The following PDGFC variants were observed in gnomAD, a reference collection of about 807,000 sequenced individuals.
PDGFC encodes the protein platelet derived growth factor C, also known as platelet-derived growth factor C.
A neutral mutation model predicts 35.5 loss-of-function variants in PDGFC; 12 were observed. The ratio of observed to expected loss-of-function variants is 0.34; its 90% CI spans 0.22 to 0.55. The LOEUF (loss-of-function observed/expected upper bound fraction) is 0.55, where lower values mean the gene tolerates loss of function less well. Ranked by LOEUF, PDGFC falls within the 20% of genes least tolerant of loss-of-function variation. The probability of loss-of-function intolerance (pLI) is 0.91; values close to 1 mark genes in which losing one functional copy is unlikely to be tolerated. For synonymous variants in PDGFC, 159 were observed against 148.8 expected (o/e 1.07, Z -0.50); for missense variants, 322 against 412.4 (o/e 0.78, Z 1.90).
At chr4:156,958,438 C>G (rs1057507055) in intron 1 of PDGFC, among the ~76,000 whole-genome samples, 1 of 151,980 alleles carries the variant, frequency 6.6e-6, no homozygotes, top group Non-Finnish European at 1.5e-5. Flanking sequence ...TGCCAAACTT[C>G]CAGCAGTAAC....
chr4:156,849,532 C>T (rs1257711707), intron 2 of PDGFC, among the ~76,000 whole-genome samples: 1 of 151,934 alleles, frequency 6.6e-6, no homozygotes, highest in Admixed American at 6.6e-5. Flanking sequence ...ACCACCCAAC[C>T]TTGACAAGTG....
intron 1 of PDGFC, among the ~76,000 whole-genome samples, chr4:156,908,731 C>T (rs970363252): frequency 2.0e-5 from 3 of 152,118 alleles, no homozygotes; most frequent in Admixed American, 6.5e-5. Flanking sequence ...AGCCAGTTAT[C>T]TCTTAATATG....
intron 1 of PDGFC, among the ~76,000 whole-genome samples, chr4:156,933,923 A>T (rs1731615266): frequency 6.6e-6 from 1 of 152,162 alleles, no homozygotes; most frequent in South Asian, 2.1e-4. Flanking sequence ...GCCATGTGGA[A>T]CTGTGAGTCA....
chr4:156,832,680 G>A (rs148732625), intron 2 of PDGFC, among the ~76,000 whole-genome samples: 10 of 152,288 alleles, frequency 6.6e-5, no homozygotes, highest in Non-Finnish European at 1.0e-4. Flanking sequence ...CCTGAACAAC[G>A]GGCGTTTGAA....
intron 5 of PDGFC, 134 bp from the exon 6 acceptor site, chr4:156,763,340 G>T (rs1458549801): frequency 1.0e-5 from 4 of 390,218 alleles, no homozygotes; most frequent in Non-Finnish European, 1.8e-5. Context: ...CCTAGAGCAC[G>T]CATTATGAAA....
chr4:156,898,947 G>A (rs1730699468), intron 1 of PDGFC, among the ~76,000 whole-genome samples: 1 of 152,184 alleles, frequency 6.6e-6, no homozygotes, highest in Non-Finnish European at 1.5e-5. Context: ...ATGAGTCACT[G>A]AGCCCAGCCC....
At chr4:156,951,036 T>C in intron 1 of PDGFC, among the ~76,000 whole-genome samples, 1 of 151,904 alleles carries the variant, frequency 6.6e-6, no homozygotes, top group Non-Finnish European at 1.5e-5. Flanking sequence ...CACCTCACTG[T>C]ATTTTTATCT....
At chr4:156,781,021 T>C (rs1730966023) in intron 3 of PDGFC, among the ~76,000 whole-genome samples, 1 of 152,160 alleles carries the variant, frequency 6.6e-6, no homozygotes, top group Non-Finnish European at 1.5e-5. Flanking sequence ...GGACCTTTTC[T>C]AGTTTCTGTC....
chr4:156,922,750 G>A (rs1579101864), intron 1 of PDGFC, among the ~76,000 whole-genome samples: 1 of 152,200 alleles, frequency 6.6e-6, no homozygotes, highest in East Asian at 1.9e-4. Context: ...GGGGTCGGGG[G>A]GTGTTCCACA....
chr4:156,821,191 GTGTA>G (rs1251812765), intron 2 of PDGFC, among the ~76,000 whole-genome samples: 3,220 of 103,602 alleles, frequency 0.031, 114 homozygotes, highest in African/African-American at 0.12. Flanking sequence ...GTGTGTGTGT[GTGTA>G]TGTGTGTGTG....
intron 1 of PDGFC, among the ~76,000 whole-genome samples, chr4:156,905,901 T>C (rs148230374): frequency 0.016 from 2,485 of 152,156 alleles, 75 homozygotes; most frequent in African/African-American, 0.057. Flanking sequence ...ATACTGTAGA[T>C]ACATCACCTC....
intron 1 of PDGFC, among the ~76,000 whole-genome samples, chr4:156,955,675 AG>A (rs1210560449): frequency 5.9e-5 from 9 of 152,032 alleles, no homozygotes; most frequent in Non-Finnish European, 1.0e-4. Context: ...ATAAACAAAA[AG>A]ACACACCCTT....
At chr4:156,917,821 T>C (rs576999455) in intron 1 of PDGFC, among the ~76,000 whole-genome samples, 4 of 152,370 alleles carry the variant, frequency 2.6e-5, no homozygotes, top group African/African-American at 9.6e-5. Flanking sequence ...GACCACTTCG[T>C]ATAAACTATA....
chr4:156,915,229 T>C (rs1273481669), intron 1 of PDGFC, among the ~76,000 whole-genome samples: 1 of 152,112 alleles, frequency 6.6e-6, no homozygotes, highest in African/African-American at 2.4e-5. Flanking sequence ...TTCCTTAGAG[T>C]AACAACAAAA....
intron 1 of PDGFC, among the ~76,000 whole-genome samples, chr4:156,898,437 A>G (rs751238143): frequency 6.6e-6 from 1 of 152,212 alleles, no homozygotes; most frequent in Non-Finnish European, 1.5e-5. Context: ...AATGCCTATA[A>G]GTGAGAATAA....
intron 3 of PDGFC, among the ~76,000 whole-genome samples, chr4:156,775,484 C>T (rs1816164): frequency 0.38 from 58,042 of 151,862 alleles, 14,777 homozygotes; most frequent in African/African-American, 0.72. Flanking sequence ...AATATAATTG[C>T]TATGTAGGGT....
At chr4:156,821,912 C>T (rs1169163569) in intron 2 of PDGFC, among the ~76,000 whole-genome samples, 1 of 152,022 alleles carries the variant, frequency 6.6e-6, no homozygotes, top group African/African-American at 2.4e-5. Context: ...GAGAGAATGA[C>T]AGGGGTCAAA....
chr4:156,790,823 C>T (rs908653608), intron 3 of PDGFC, among the ~76,000 whole-genome samples: 1 of 152,142 alleles, frequency 6.6e-6, no homozygotes, highest in Non-Finnish European at 1.5e-5. Context: ...TGATGCCATA[C>T]TGAGAACGGG....
intron 1 of PDGFC, among the ~76,000 whole-genome samples, chr4:156,948,453 C>T (rs1731999660): frequency 6.6e-6 from 1 of 151,932 alleles, no homozygotes; most frequent in Non-Finnish European, 1.5e-5. Flanking sequence ...AATCTTAAGC[C>T]TGAAGGGCCA....
Sources: allele counts gnomAD v4.1 joint callset (sites outside exome capture counted in the v4.1 genomes callset), GRCh38; gene constraint gnomAD v4.1.1; transcripts MANE v1.5; gene names NCBI Gene and HGNC (gene_info 2026-07-23, HGNC 2026-07-21).